EHBP1: variants seen among roughly 807,000 people sequenced by gnomAD.
The protein encoded by EHBP1 is EH domain binding protein 1.
In EHBP1, 55 loss-of-function variants were observed where a neutral mutation model predicts 144.0. The observed-to-expected ratio is 0.38, with a 90% confidence interval of 0.31 to 0.48. The LOEUF (loss-of-function observed/expected upper bound fraction) is 0.48, where lower values mean the gene tolerates loss of function less well. Among genes scored for constraint, EHBP1 ranks in the 20% least tolerant of loss-of-function variants. The pLI is 0.98. For missense variants in EHBP1, 1,200 were observed against 1,364.2 expected, an observed-to-expected ratio of 0.88 and a Z score of 1.90; for synonymous variants, 469 against 472.7, an observed-to-expected ratio of 0.99 and a Z score of 0.10.
At chr2:63,023,659 G>A (rs973584082) in intron 19 of EHBP1, among the ~76,000 whole-genome samples, 6 of 152,154 alleles carry the variant, frequency 3.9e-5, no homozygotes, top group Admixed American at 2.6e-4. Context: ...CCACTTGGTG[G>A]CCAAAACTAG....
rs992435627 is a variant in EHBP1, at chr2:62,857,862, T to TA, written c.635-1297dup. On this transcript the variant is annotated intron_variant, in intron 7 of 22. Coordinates refer to ENST00000431489, the MANE Select transcript of EHBP1 (RefSeq NM_001142616.3). ...GTTGCCTTAAAAGAACAGATCCTAT[T>TA]AAAAAAAAAACAGTAGTAGAAAATA... Among the ~76,000 whole-genome samples the TA allele has an allele frequency of 2.5e-3, 366 of 148,202 alleles. 3 individuals carry two copies. The highest frequency in any genetic ancestry group is 6.1e-3 in the African/African-American group (247 of 40,656).
intron 2 of EHBP1, among the ~76,000 whole-genome samples, chr2:62,716,828 T>G (rs1293720563): frequency 1.3e-5 from 2 of 152,238 alleles, no homozygotes; most frequent in Admixed American, 1.3e-4. Context: ...CAAGGAGTTG[T>G]TTCCCAGTGC....
chr2:62,820,548 C>G (rs866201690), intron 5 of EHBP1, among the ~76,000 whole-genome samples: 1 of 151,358 alleles, frequency 6.6e-6, no homozygotes, highest in African/African-American at 2.4e-5. Flanking sequence ...ACCTGGTAAC[C>G]GCTATTCTGC....
At chr2:62,852,534 A>G (rs1055795131) in intron 7 of EHBP1, among the ~76,000 whole-genome samples, 2 of 152,068 alleles carry the variant, frequency 1.3e-5, no homozygotes, top group Admixed American at 1.3e-4. Context: ...TTTTTTGATT[A>G]TTTATGAGAA....
At chr2:62,980,601 C>A (rs562968677) in intron 15 of EHBP1, among the ~76,000 whole-genome samples, 1 of 151,918 alleles carries the variant, frequency 6.6e-6, no homozygotes, top group South Asian at 2.1e-4. Flanking sequence ...AACATCTAAT[C>A]TTCCATCTCA....
At chr2:62,691,316 C>T (rs2033896655) in intron 1 of EHBP1, among the ~76,000 whole-genome samples, 1 of 152,164 alleles carries the variant, frequency 6.6e-6, no homozygotes, top group South Asian at 2.1e-4. Flanking sequence ...GATACTTTGC[C>T]ATCCCTTATC....
intron 1 of EHBP1, among the ~76,000 whole-genome samples, chr2:62,686,252 A>G (rs1184853332): frequency 6.6e-6 from 1 of 152,240 alleles, no homozygotes; most frequent in Non-Finnish European, 1.5e-5. Context: ...AATAACATGC[A>G]TGATTGCAAC....
intron 10 of EHBP1, among the ~76,000 whole-genome samples, chr2:62,920,034 G>A (rs1372011135): frequency 6.6e-6 from 1 of 152,156 alleles, no homozygotes; most frequent in Non-Finnish European, 1.5e-5. Flanking sequence ...ATTCCCGGGA[G>A]TGGAAAAGAC....
intron 5 of EHBP1, among the ~76,000 whole-genome samples, chr2:62,798,343 G>C (rs918379477): frequency 6.6e-6 from 1 of 152,044 alleles, no homozygotes; most frequent in Non-Finnish European, 1.5e-5. Context: ...ACTCCAGCCT[G>C]GGTGACAGAG....
chr2:62,933,741 C>T (rs878934175), intron 10 of EHBP1, among the ~76,000 whole-genome samples: 1 of 152,154 alleles, frequency 6.6e-6, no homozygotes, highest in African/African-American at 2.4e-5. Context: ...CTTGTGGTAT[C>T]ATGATTTTAT....
chr2:62,960,499 A>T (rs1409876389), intron 14 of EHBP1, among the ~76,000 whole-genome samples: 2 of 152,166 alleles, frequency 1.3e-5, no homozygotes, highest in East Asian at 3.8e-4. Flanking sequence ...CTACCGTAGC[A>T]TGCATTCATC....
intron 19 of EHBP1, among the ~76,000 whole-genome samples, chr2:63,016,303 G>A (rs927888004): frequency 6.6e-6 from 1 of 151,988 alleles, no homozygotes; most frequent in Non-Finnish European, 1.5e-5. Flanking sequence ...ACTGTGTCAA[G>A]ATTTTAGTTA....
At chr2:62,965,288 CTA>C (rs1213994174) in intron 14 of EHBP1, among the ~76,000 whole-genome samples, 1 of 152,182 alleles carries the variant, frequency 6.6e-6, no homozygotes, top group Non-Finnish European at 1.5e-5. Flanking sequence ...ACATCTTACT[CTA>C]TTTTGTGAAA....
In EHBP1 at chr2:62,755,160, C is replaced by T. The variant is rs193280301; in HGVS notation, c.162+7708C>T. Among the ~76,000 whole-genome samples, 4 of 152,288 alleles carry T rather than the reference C, an allele frequency of 2.6e-5. No homozygotes were observed. In the East Asian group the frequency reaches 7.7e-4, roughly 29 times the overall value. The stretch of plus-strand genomic sequence containing the variant: ...CCCACTTTTTTCTTTTGTTCCTCTT[C>T]TAGGCAGTTCCCAACCCTCAGAGGT... On this transcript the variant is annotated intron_variant, in intron 3 of 22. Transcript: ENST00000431489.
intron 10 of EHBP1, among the ~76,000 whole-genome samples, chr2:62,905,537 ACT>A (rs1413621470): frequency 2.0e-5 from 3 of 151,088 alleles, no homozygotes; most frequent in South Asian, 2.1e-4. Context: ...TGAAACGATC[ACT>A]CTCGGTTGGG....
chr2:62,862,991 G>A (rs1241718458), intron 8 of EHBP1, among the ~76,000 whole-genome samples: 2 of 151,916 alleles, frequency 1.3e-5, no homozygotes, highest in African/African-American at 4.8e-5. Flanking sequence ...TATTTTAAAA[G>A]TACCACTGAG....
chr2:62,700,155 C>A (rs749739037), intron 1 of EHBP1, among the ~76,000 whole-genome samples: 1 of 151,594 alleles, frequency 6.6e-6, no homozygotes, highest in Non-Finnish European at 1.5e-5. Flanking sequence ...AACTTGGGTC[C>A]TATAATGATA....
intron 10 of EHBP1, among the ~76,000 whole-genome samples, chr2:62,909,999 C>T (rs1295196845): frequency 6.6e-6 from 1 of 152,148 alleles, no homozygotes; most frequent in Non-Finnish European, 1.5e-5. Context: ...AGGTGATCCA[C>T]CTGCCTTGGC....
chr2:62,929,535 A>T (rs2055815132), intron 10 of EHBP1, among the ~76,000 whole-genome samples: 2 of 151,788 alleles, frequency 1.3e-5, no homozygotes, highest in Non-Finnish European at 2.9e-5. Flanking sequence ...TTTCATGATT[A>T]AAAAAAAATT....
Sources: gnomAD v4.1 joint callset for allele counts (sites outside exome capture counted in the v4.1 genomes callset) on GRCh38, gnomAD v4.1.1 for gene constraint, MANE v1.5 for transcripts, NCBI Gene and HGNC (gene_info 2026-07-23, HGNC 2026-07-21) for gene names.